SCAPER: variants seen among roughly 807,000 people sequenced by gnomAD.
SCAPER encodes the protein S phase cyclin A-associated protein in the endoplasmic reticulum.
In SCAPER, 98 loss-of-function variants were observed where a neutral mutation model predicts 182.2. That is an observed-to-expected ratio of 0.54 (90% CI 0.46 to 0.64). The LOEUF (loss-of-function observed/expected upper bound fraction) is 0.64. SCAPER is among the 30% of genes least tolerant of loss of function. The pLI, the probability that SCAPER is intolerant of heterozygous loss-of-function variation, is 0.00. For missense variants in SCAPER, 1,432 were observed against 1,690.0 expected, an observed-to-expected ratio of 0.85 and a Z score of 2.68; for synonymous variants, 605 against 564.6, an observed-to-expected ratio of 1.07 and a Z score of -1.01.
At chr15:76,614,249 G>T (rs1183750844) in intron 22 of SCAPER, among the ~76,000 whole-genome samples, 1 of 152,174 alleles carries the variant, frequency 6.6e-6, no homozygotes, top group Admixed American at 6.5e-5. Context: ...CCTTTTGGAG[G>T]ATGGAGGGTG....
At chr15:76,829,433 T>C (rs2068269406) in intron 5 of SCAPER, among the ~76,000 whole-genome samples, 1 of 152,140 alleles carries the variant, frequency 6.6e-6, no homozygotes, top group Non-Finnish European at 1.5e-5. Context: ...CCTAACACTA[T>C]CTATAGAGAA....
chr15:76,555,362 G>C lies in SCAPER; in HGVS notation c.2838+18796C>G, dbSNP rs565819865. Among the ~76,000 whole-genome samples, 38 of 152,126 alleles carry C rather than the reference G, an allele frequency of 2.5e-4. No individual in the cohort carries two copies. In the South Asian group the frequency reaches 6.0e-3, roughly 24 times the overall value. On this transcript the variant is annotated intron_variant, in intron 23 of 31. Coordinates refer to ENST00000563290, the MANE Select transcript of SCAPER (RefSeq NM_020843.4). ...ATAACTAGCTAACAACAAGATGACA[G>C]GATCAAATCTGCCCATATCAATACT...
chr15:76,468,905 T>TG (rs750032325), intron 25 of SCAPER, among the ~76,000 whole-genome samples: 4 of 152,108 alleles, frequency 2.6e-5, no homozygotes, highest in Non-Finnish European at 5.9e-5. Flanking sequence ...TTTCACCATC[T>TG]GGGGATAAAG....
chr15:76,712,056 T>C (rs1229169963), intron 17 of SCAPER, among the ~76,000 whole-genome samples: 1 of 152,168 alleles, frequency 6.6e-6, no homozygotes, highest in Non-Finnish European at 1.5e-5. Context: ...TCTTCTAGGG[T>C]TTTTATGGTT....
chr15:76,636,994 C>A (rs565937750), intron 21 of SCAPER, among the ~76,000 whole-genome samples: 2 of 151,770 alleles, frequency 1.3e-5, no homozygotes, highest in South Asian at 4.2e-4. Flanking sequence ...TAAAAAAAAA[C>A]AGCTTTGAGA....
At chr15:76,505,625 T>G (rs2041505583) in intron 23 of SCAPER, among the ~76,000 whole-genome samples, 1 of 152,114 alleles carries the variant, frequency 6.6e-6, no homozygotes, top group South Asian at 2.1e-4. Context: ...GAGAGGGAAC[T>G]CTCATACACT....
intron 5 of SCAPER, among the ~76,000 whole-genome samples, chr15:76,806,521 ATAC>A (rs976007894): frequency 6.6e-6 from 1 of 152,148 alleles, no homozygotes; most frequent in African/African-American, 2.4e-5. Flanking sequence ...GCTATTCTAC[ATAC>A]TTTGCATCCC....
rs1230721784 is a variant in SCAPER, at chr15:76,702,931, A to G, written c.2319T>C (p.Ser773=). The G allele has an allele frequency of 1.2e-6, 2 of 1,610,968 alleles. No individual in the cohort carries two copies. The highest frequency in any genetic ancestry group is 1.7e-6 in the Non-Finnish European group (2 of 1,178,992). ...QRKEKAAELS[S]GRHANTDYAP... is the part of the protein sequence containing the mutation. ...CATAATCAGTATTTGCATGTCGCCCACTGCTTAGCTCAGCAGCTTTTTCTT... is the reference window on the plus strand; with the variant it reads ...CATAATCAGTATTTGCATGTCGCCCGCTGCTTAGCTCAGCAGCTTTTTCTT... Residue 773 remains serine (S), a synonymous_variant, in exon 19 of 32, where the codon AGT becomes AGC. Coordinates refer to ENST00000563290, the MANE Select transcript of SCAPER (RefSeq NM_020843.4).
intron 14 of SCAPER, among the ~76,000 whole-genome samples, chr15:76,760,950 T>C (rs1174176743): frequency 3.3e-5 from 5 of 152,188 alleles, no homozygotes; most frequent in African/African-American, 4.8e-5. Context: ...TTCTCCTTTA[T>C]ATGTTTCATA....
intron 7 of SCAPER, chr15:76,797,379 CAA>C (rs904930559): frequency 4.0e-4 from 61 of 152,164 alleles, no homozygotes; most frequent in Non-Finnish European, 2.1e-4. Context: ...TTGAAGCAAA[CAA>C]AGAGCTGACC....
intron 10 of SCAPER, among the ~76,000 whole-genome samples, chr15:76,768,231 AC>A (rs1476658684): frequency 1.3e-5 from 2 of 152,202 alleles, no homozygotes; most frequent in Non-Finnish European, 2.9e-5. Context: ...AAATGTGCCC[AC>A]ACAAAAACTG....
chr15:76,441,797 T>C (rs531075849), intron 25 of SCAPER, among the ~76,000 whole-genome samples: 1 of 152,316 alleles, frequency 6.6e-6, no homozygotes, highest in Non-Finnish European at 1.5e-5. Context: ...AATAGTTACC[T>C]CCTGACATAC....
chr15:76,545,879 G>C (rs2045236847), intron 23 of SCAPER, among the ~76,000 whole-genome samples: 1 of 152,116 alleles, frequency 6.6e-6, no homozygotes, highest in Non-Finnish European at 1.5e-5. Flanking sequence ...CTGATATTAA[G>C]TCATGCTTGT....
At chr15:76,551,047 T>C (rs929571747) in intron 23 of SCAPER, among the ~76,000 whole-genome samples, 1 of 151,888 alleles carries the variant, frequency 6.6e-6, no homozygotes, top group Non-Finnish European at 1.5e-5. Flanking sequence ...TTATCAGAAA[T>C]GCAAAAAATA....
At chr15:76,575,945 T>C (rs1215675355) in intron 22 of SCAPER, among the ~76,000 whole-genome samples, 1 of 152,244 alleles carries the variant, frequency 6.6e-6, no homozygotes. Context: ...ATGAGCGAGG[T>C]GCTCGTCTAT....
chr15:76,402,924 G>C (rs769272649), intron 27 of SCAPER, among the ~76,000 whole-genome samples: 1 of 152,030 alleles, frequency 6.6e-6, no homozygotes, highest in Non-Finnish European at 1.5e-5. Context: ...AAATTCCATA[G>C]ATTTTAAGTG....
chr15:76,363,797 A>G (rs1167151053), intron 29 of SCAPER, among the ~76,000 whole-genome samples: 1 of 152,234 alleles, frequency 6.6e-6, no homozygotes, highest in Non-Finnish European at 1.5e-5. Flanking sequence ...TAGTTCCTGC[A>G]TTCCTCTCCA....
intron 17 of SCAPER, among the ~76,000 whole-genome samples, chr15:76,718,331 A>C (rs966888176): frequency 4.7e-4 from 72 of 152,344 alleles, no homozygotes; most frequent in African/African-American, 1.7e-3. Context: ...TCAATAAAAC[A>C]TCAGCCTAAG....
chr15:76,481,372 G>C (rs1000967555), intron 24 of SCAPER, among the ~76,000 whole-genome samples: 3 of 152,128 alleles, frequency 2.0e-5, no homozygotes, highest in African/African-American at 7.2e-5. Context: ...ATTATGATGG[G>C]ATTATATGAC....
Sources: allele counts gnomAD v4.1 joint callset (sites outside exome capture counted in the v4.1 genomes callset), GRCh38; gene constraint gnomAD v4.1.1; transcripts MANE v1.5; gene names NCBI Gene and HGNC (gene_info 2026-07-23, HGNC 2026-07-21).